SNTB2: variants seen among roughly 807,000 people sequenced by gnomAD.
The protein encoded by SNTB2 is syntrophin beta 2, also known as beta-2-syntrophin.
A neutral mutation model predicts 46.2 loss-of-function variants in SNTB2; 34 were observed. That is an observed-to-expected ratio of 0.74 (90% CI 0.56 to 0.98). The LOEUF (loss-of-function observed/expected upper bound fraction) is 0.98. Ranked by LOEUF, SNTB2 falls within the 50% of genes least tolerant of loss-of-function variation. SNTB2 has a pLI of 0.00. For missense variants in SNTB2, 603 were observed against 731.4 expected (o/e 0.82, Z 2.02); for synonymous variants, 290 against 312.6 (o/e 0.93, Z 0.76).
At chr16:69,278,028 A>G (rs976170557) in intron 4 of SNTB2, among the ~76,000 whole-genome samples, 2 of 152,228 alleles carry the variant, frequency 1.3e-5, no homozygotes, top group Admixed American at 1.3e-4. Flanking sequence ...CACAAAATAC[A>G]AAAATGAGCC....
At chr16:69,211,972 T>C (rs1310760879) in intron 1 of SNTB2, among the ~76,000 whole-genome samples, 2 of 152,192 alleles carry the variant, frequency 1.3e-5, no homozygotes, top group African/African-American at 4.8e-5. Flanking sequence ...GTACTTATCT[T>C]GGTAGCTCTT....
intron 5 of SNTB2, 104 bp from the exon 6 acceptor site, chr16:69,299,486 T>G (rs1325828089): frequency 1.1e-5 from 13 of 1,155,148 alleles, no homozygotes; most frequent in Non-Finnish European, 1.5e-5. Context: ...TATCACACAT[T>G]CTCAAGAAAA....
chr16:69,201,107 A>G lies in SNTB2; in HGVS notation c.580+13361A>G, dbSNP rs527936132. On this transcript the variant is annotated intron_variant, in intron 1 of 6. Coordinates refer to ENST00000336278, the MANE Select transcript of SNTB2 (RefSeq NM_006750.4). ...GGCCTGGTTTGAAAGCAGAACATTC[A>G]GGAAAGCCATAGGAAAACAGCATCC... Among the ~76,000 whole-genome samples the G allele has an allele frequency of 9.8e-5, 15 of 152,360 alleles. No individual in the cohort carries two copies. The East Asian group carries it at 2.7e-3, about 27-fold the overall frequency.
chr16:69,223,191 A>ATT (rs548334873), intron 1 of SNTB2, among the ~76,000 whole-genome samples: 6 of 135,060 alleles, frequency 4.4e-5, no homozygotes, highest in South Asian at 2.4e-4. Context: ...AAAACTAAGA[A>ATT]TTTTTTTTTT....
At chr16:69,259,767 G>A (rs1380807562) in intron 2 of SNTB2, among the ~76,000 whole-genome samples, 1 of 151,144 alleles carries the variant, frequency 6.6e-6, no homozygotes, top group African/African-American at 2.4e-5. Flanking sequence ...CCACCACCAT[G>A]TCCGGCTAAT....
intron 1 of SNTB2, among the ~76,000 whole-genome samples, chr16:69,235,081 G>T (rs1567403932): frequency 6.6e-6 from 1 of 151,828 alleles, no homozygotes; most frequent in Non-Finnish European, 1.5e-5. Flanking sequence ...TGCAATTTTG[G>T]CTCACTGCAG....
chr16:69,235,902 G>T, intron 1 of SNTB2: 1 of 1,241,760 alleles, frequency 8.1e-7, no homozygotes, highest in East Asian at 5.7e-5. Context: ...AGTCCCATTA[G>T]ATATATATAG....
intron 4 of SNTB2, among the ~76,000 whole-genome samples, chr16:69,279,159 A>G (rs973320216): frequency 6.6e-6 from 1 of 152,160 alleles, no homozygotes; most frequent in Non-Finnish European, 1.5e-5. Context: ...CTATTGAACA[A>G]CAATTCTCCA....
intron 1 of SNTB2, chr16:69,235,775 C>T (rs1022986042): frequency 3.9e-6 from 5 of 1,289,158 alleles, no homozygotes; most frequent in African/African-American, 3.0e-5. Context: ...TTCTGTCTGA[C>T]CAATATCAGG....
At chr16:69,249,267 C>G (rs1454068328) in intron 2 of SNTB2, among the ~76,000 whole-genome samples, 1 of 152,114 alleles carries the variant, frequency 6.6e-6, no homozygotes, top group Non-Finnish European at 1.5e-5. Flanking sequence ...TTCCAGCAAT[C>G]TACTCGCTTT....
At chr16:69,253,481 C>G (rs1335828069) in intron 2 of SNTB2, among the ~76,000 whole-genome samples, 1 of 151,628 alleles carries the variant, frequency 6.6e-6, no homozygotes, top group African/African-American at 2.4e-5. Context: ...AACCCCATCT[C>G]TACTAAAAAT....
At chr16:69,242,800 T>C (rs540542447) in intron 1 of SNTB2, among the ~76,000 whole-genome samples, 18 of 152,084 alleles carry the variant, frequency 1.2e-4, no homozygotes, top group Non-Finnish European at 2.4e-4. Context: ...GGCGGGTGGA[T>C]CACGAGGTCT....
At position 69,299,764 on chromosome 16, in the gene SNTB2, A is replaced by C. The variant is rs1965261936; in HGVS notation, c.1520A>C (p.Glu507Ala). The change falls in exon 6 of 7, where the codon GAG (glutamate) becomes GCG (alanine). Residue 507 changes from glutamate (E) to alanine (A), a missense_variant. This residue lies in a region of SNTB2 where 537 missense variants were observed against 692.4 expected (regional missense o/e 0.78). Transcript: ENST00000336278. ...CTATACTTGGATTTTGGTGGTCCCGAGGGAGAACTGGTAAGAGTGTTTCTG... is the reference window on the plus strand; with the variant it reads ...CTATACTTGGATTTTGGTGGTCCCGCGGGAGAACTGGTAAGAGTGTTTCTG... ...RNLYLDFGGP[E>A]GELTMDLHSC... 1.2e-6 allele frequency: 2 copies of C among 1,614,004 alleles called. No individual in the cohort carries two copies. Among genetic ancestry groups the C allele is most frequent in the Non-Finnish European group, 1.7e-6 (2 of 1,180,002 alleles).
chr16:69,292,608 A>AT (rs555750337), intron 5 of SNTB2, among the ~76,000 whole-genome samples: 34,228 of 119,588 alleles, frequency 0.29, 5,699 homozygotes, highest in East Asian at 0.45. Context: ...TGCCCAGCTA[A>AT]TTTTTTTTTT....
Position 69,187,762 on chromosome 16 carries a change from CG to C in SNTB2, c.580+19del. The C allele has an allele frequency of 1.3e-5, 2 of 152,110 alleles. No homozygotes were observed. The highest frequency in any genetic ancestry group is 2.3e-5 in the Non-Finnish European group (2 of 88,532). 9.4% of individuals were successfully genotyped at this position (152,110 alleles called of 1,614,324 possible). Reference sequence around the variant, plus strand: ...CTGCTGGAGGGTGAGCGGGGCCGGGCGGGAGGGTGGGCAGGCCGCGGCGGCC... The same window carrying C: ...CTGCTGGAGGGTGAGCGGGGCCGGGCGGAGGGTGGGCAGGCCGCGGCGGCC... On this transcript the variant is annotated intron_variant, in intron 1 of 6. Coordinates refer to ENST00000336278, the MANE Select transcript of SNTB2 (RefSeq NM_006750.4).
At chr16:69,239,352 A>G (rs1171090135) in intron 1 of SNTB2, among the ~76,000 whole-genome samples, 1 of 152,150 alleles carries the variant, frequency 6.6e-6, no homozygotes, top group Non-Finnish European at 1.5e-5. Flanking sequence ...ATCATACTGT[A>G]CAATTGAATT....
At chr16:69,226,486 A>G (rs977487072) in intron 1 of SNTB2, among the ~76,000 whole-genome samples, 2 of 152,192 alleles carry the variant, frequency 1.3e-5, no homozygotes, top group Non-Finnish European at 2.9e-5. Flanking sequence ...TCTAATAAGA[A>G]TATTTTAATC....
chr16:69,242,751 G>T (rs1279809662), intron 1 of SNTB2, among the ~76,000 whole-genome samples: 1 of 152,198 alleles, frequency 6.6e-6, no homozygotes, highest in African/African-American at 2.4e-5. Flanking sequence ...GCCGGGCATA[G>T]TGGCTCAAGC....
chr16:69,227,370 G>A (rs933341182), intron 1 of SNTB2, among the ~76,000 whole-genome samples: 1 of 152,124 alleles, frequency 6.6e-6, no homozygotes, highest in Admixed American at 6.6e-5. Context: ...TATGCGTATT[G>A]TTACAGTGAT....
Sources: allele counts gnomAD v4.1 joint callset (sites outside exome capture counted in the v4.1 genomes callset), GRCh38; gene constraint gnomAD v4.1.1; regional missense constraint gnomAD v4.1.1; transcripts MANE v1.5; gene names NCBI Gene and HGNC (gene_info 2026-07-23, HGNC 2026-07-21).